MPHOSPH6: variants seen among roughly 807,000 people sequenced by gnomAD.
The protein encoded by MPHOSPH6 is M-phase phosphoprotein 6.
MPHOSPH6 carries 25 observed loss-of-function variants against 21.8 expected under a neutral mutation model. The observed-to-expected ratio is 1.15, with a 90% CI of 0.83 to 1.60. The LOEUF is 1.60. MPHOSPH6 is among the 40% of genes most tolerant of loss of function. The pLI is 0.00. For missense variants in MPHOSPH6, 269 were observed against 181.8 expected, an observed-to-expected ratio of 1.48 and a Z score of -2.76; for synonymous variants, 84 against 56.5, an observed-to-expected ratio of 1.49 and a Z score of -2.18.
At chr16:82,162,162 T>C (rs1906627386) in intron 2 of MPHOSPH6, 1 of 152,266 alleles carries the variant, frequency 6.6e-6, no homozygotes, top group Non-Finnish European at 1.5e-5. Context: ...GGACAGGTAC[T>C]ATCATCATAC....
At chr16:82,157,313 C>G (rs1157830678) in intron 2 of MPHOSPH6, among the ~76,000 whole-genome samples, 2 of 152,154 alleles carry the variant, frequency 1.3e-5, no homozygotes, top group African/African-American at 4.8e-5. Context: ...TGAAATACCA[C>G]TTAGCAACAG....
At position 82,155,721 on chromosome 16, in the gene MPHOSPH6, C is replaced by T. The variant is rs140893361; in HGVS notation, c.165-4207G>A. Among the ~76,000 whole-genome samples the T allele has an allele frequency of 4.0e-3, 606 of 152,072 alleles. 2 individuals carry two copies. Among genetic ancestry groups the T allele is most frequent in the Middle Eastern group, 0.027 (8 of 294 alleles). On this transcript the variant is annotated intron_variant, in intron 2 of 4. Transcript: ENST00000258169. The stretch of plus-strand genomic sequence containing the variant: ...GAGTTCAAGATCAGCCTGGCCAACA[C>T]GGAGAAACAGTGTCTCTACTAAAAA...
intron 3 of MPHOSPH6, among the ~76,000 whole-genome samples, chr16:82,149,902 T>A (rs1309110222): frequency 1.0e-5 from 1 of 95,626 alleles, no homozygotes; most frequent in Admixed American, 8.7e-5. Context: ...ACCTCAGCCT[T>A]ACCCTCCTAA....
chr16:82,148,997 G>A (rs916956120), intron 4 of MPHOSPH6, 134 bp from the exon 5 acceptor site: 4 of 1,187,684 alleles, frequency 3.4e-6, no homozygotes, highest in African/African-American at 3.1e-5. Flanking sequence ...GAAACCATCT[G>A]ATTTAACAAT....
At chr16:82,167,705 A>T (rs766070734) in intron 1 of MPHOSPH6, 1 of 152,280 alleles carries the variant, frequency 6.6e-6, no homozygotes, top group Non-Finnish European at 1.5e-5. Context: ...TTCTGATCCT[A>T]GGAGAATCTA....
rs1555540871 is a variant in MPHOSPH6, at chr16:82,165,144, T to TTTTTTTG, written c.52-951_52-950insCAAAAAA. Among the ~76,000 whole-genome samples the TTTTTTTG allele has an allele frequency of 1.4e-3, 157 of 108,636 alleles. 6 individuals carry two copies. Among genetic ancestry groups the TTTTTTTG allele is most frequent in the Admixed American group, 2.4e-3 (22 of 9,056 alleles). The allele number at this position is 108,636 out of a possible 152,430, so 71.3% of individuals were successfully genotyped here. On this transcript the variant is annotated intron_variant, in intron 1 of 4. Coordinates refer to ENST00000258169, the MANE Select transcript of MPHOSPH6 (RefSeq NM_005792.2). ...TTATTTTTTTTTTTATTTTTTTTTT[T>TTTTTTTG]TGAGACAGAGTCTCACTCTGTCGCC...
At chr16:82,151,283 G>C (rs1315209101) in intron 3 of MPHOSPH6, 141 bp downstream of exon 3, 1 of 1,218,970 alleles carries the variant, frequency 8.2e-7, no homozygotes, top group Non-Finnish European at 1.1e-6. Context: ...TCTTTAAATA[G>C]CTATGGCGAT....
At chr16:82,170,024 C>G in intron 1 of MPHOSPH6, 101 bp downstream of exon 1, 1 of 1,311,046 alleles carries the variant, frequency 7.6e-7, no homozygotes, top group Non-Finnish European at 1.0e-6. Context: ...CCCTCTGAGG[C>G]CTCTCTGGTG....
At chr16:82,167,796 G>C (rs555871382) in intron 1 of MPHOSPH6, among the ~76,000 whole-genome samples, 2 of 152,198 alleles carry the variant, frequency 1.3e-5, no homozygotes, top group Non-Finnish European at 2.9e-5. Context: ...TACAGATGAA[G>C]TTTCGCTCGC....
intron 2 of MPHOSPH6, among the ~76,000 whole-genome samples, chr16:82,154,656 AAC>A (rs1183228827): frequency 1.3e-5 from 2 of 152,090 alleles, no homozygotes; most frequent in Non-Finnish European, 2.9e-5. Flanking sequence ...TAAGGGAAAA[AAC>A]AATTTAAAAA....
At position 82,164,131 on chromosome 16, in the gene MPHOSPH6, T is replaced by G. The variant is rs761439948; in HGVS notation, c.115A>C (p.Ile39Leu). 2 of 1,613,052 alleles carry G rather than the reference T, an allele frequency of 1.2e-6. No homozygotes were observed. Among genetic ancestry groups the G allele is most frequent in the South Asian group, 1.1e-5 (1 of 91,072 alleles). ...KQLEEEEKKI[I>L]SEEHWYLDLP... is the part of the protein sequence containing the mutation. ...TCCAAGTACCAGTGCTCTTCACTAA[T>G]GATTTTCTTTTCTTCTTCTTCTAGT... The change falls in exon 2 of 5, where the codon ATT becomes CTT. Residue 39 changes from isoleucine (I) to leucine (L), a missense_variant. By Grantham distance (5) the Ile-to-Leu change is conservative (BLOSUM62 2). Transcript: ENST00000258169.
intron 2 of MPHOSPH6, among the ~76,000 whole-genome samples, chr16:82,153,035 G>A (rs11645618): frequency 0.14 from 21,429 of 152,084 alleles, 2,227 homozygotes; most frequent in East Asian, 0.34. Context: ...GCTGAGGCAG[G>A]AGAACTGCTC....
At chr16:82,153,887 G>T (rs1012104125) in intron 2 of MPHOSPH6, among the ~76,000 whole-genome samples, 1 of 152,088 alleles carries the variant, frequency 6.6e-6, no homozygotes, top group South Asian at 2.1e-4. Context: ...CCCTCCAGAA[G>T]CTTCCACGGT....
chr16:82,163,186 C>G (rs964226777), intron 2 of MPHOSPH6, among the ~76,000 whole-genome samples: 1 of 152,186 alleles, frequency 6.6e-6, no homozygotes, highest in Non-Finnish European at 1.5e-5. Flanking sequence ...CAAATCAAAG[C>G]CCAAACATCA....
At chr16:82,156,797 T>A (rs1372633849) in intron 2 of MPHOSPH6, among the ~76,000 whole-genome samples, 1 of 152,204 alleles carries the variant, frequency 6.6e-6, no homozygotes, top group Non-Finnish European at 1.5e-5. Context: ...CTGGGTGTGG[T>A]GCCTCATACC....
At chr16:82,153,639 C>G (rs1906338367) in intron 2 of MPHOSPH6, among the ~76,000 whole-genome samples, 1 of 152,208 alleles carries the variant, frequency 6.6e-6, no homozygotes, top group Non-Finnish European at 1.5e-5. Flanking sequence ...AATTCAGGAC[C>G]TGCATACTGG....
chr16:82,153,846 T>C (rs1906345390), intron 2 of MPHOSPH6, among the ~76,000 whole-genome samples: 1 of 152,198 alleles, frequency 6.6e-6, no homozygotes, highest in Non-Finnish European at 1.5e-5. Context: ...TACAGTTCTG[T>C]ACAAAATCCA....
chr16:82,162,684 A>C (rs1294403646), intron 2 of MPHOSPH6, among the ~76,000 whole-genome samples: 1 of 152,100 alleles, frequency 6.6e-6, no homozygotes, highest in Non-Finnish European at 1.5e-5. Flanking sequence ...CCTATGCCCC[A>C]CCCACACCTT....
chr16:82,157,073 TA>T (rs1017183773), intron 2 of MPHOSPH6, among the ~76,000 whole-genome samples: 2 of 151,538 alleles, frequency 1.3e-5, no homozygotes, highest in African/African-American at 2.4e-5. Context: ...TAAATAAAAA[TA>T]AAAAAATAAA....
Sources: allele counts gnomAD v4.1 joint callset (sites outside exome capture counted in the v4.1 genomes callset), GRCh38; gene constraint gnomAD v4.1.1; transcripts MANE v1.5; gene names NCBI Gene and HGNC (gene_info 2026-07-23, HGNC 2026-07-21).